PREX1: variants seen among roughly 807,000 people sequenced by gnomAD.
PREX1 encodes the protein phosphatidylinositol-3,4,5-trisphosphate dependent Rac exchange factor 1, also known as phosphatidylinositol 3,4,5-trisphosphate-dependent Rac exchanger 1 protein.
In PREX1, 41 loss-of-function variants were observed where a neutral mutation model predicts 198.3. The ratio of observed to expected loss-of-function variants is 0.21; its 90% CI spans 0.16 to 0.27. PREX1 has a LOEUF of 0.27. PREX1 is among the 10% of genes least tolerant of loss of function. The pLI, the probability that PREX1 is intolerant of heterozygous loss-of-function variation, is 1.00. For missense variants in PREX1, 1,620 were observed against 2,200.7 expected (o/e 0.74, Z 5.28); for synonymous variants, 843 against 887.2 (o/e 0.95, Z 0.89).
intron 5 of PREX1, among the ~76,000 whole-genome samples, chr20:48,720,236 C>T (rs527840084): frequency 9.9e-4 from 151 of 152,180 alleles, no homozygotes; most frequent in Admixed American, 1.6e-3. Flanking sequence ...GACTCCTGGT[C>T]CTTACTGATC....
At chr20:48,866,686 GA>G in the PREX1 span, among the ~76,000 whole-genome samples, 1 of 152,142 alleles carries the variant, frequency 6.6e-6, no homozygotes, top group South Asian at 2.1e-4. Context: ...TAGCACTTTG[GA>G]AGGCAGAGGT....
chr20:48,805,601 C>T (rs185811959), intron 1 of PREX1, among the ~76,000 whole-genome samples: 24 of 152,354 alleles, frequency 1.6e-4, no homozygotes, highest in Admixed American at 9.8e-4. Context: ...CAGCACCACA[C>T]ACAGGGCTGG....
the PREX1 span, among the ~76,000 whole-genome samples, chr20:48,857,559 G>A: frequency 6.6e-6 from 1 of 151,312 alleles, no homozygotes; most frequent in Non-Finnish European, 1.5e-5. Context: ...CTTGAGCTCA[G>A]GAGTTTGAGA....
chr20:48,651,188 G>A (rs974965442), intron 22 of PREX1, 133 bp from the exon 23 acceptor site: 79 of 1,296,416 alleles, frequency 6.1e-5, no homozygotes, highest in Admixed American at 2.2e-4. Flanking sequence ...CATATTGCAC[G>A]GGAGTAAACT....
At chr20:48,835,628 G>A in the PREX1 span, among the ~76,000 whole-genome samples, 1 of 152,208 alleles carries the variant, frequency 6.6e-6, no homozygotes, top group South Asian at 2.1e-4. Flanking sequence ...GGAGGTAGGA[G>A]TGTGTCCACT....
chr20:48,838,153 G>T, the PREX1 span, among the ~76,000 whole-genome samples: 1 of 152,322 alleles, frequency 6.6e-6, no homozygotes, highest in East Asian at 1.9e-4. Flanking sequence ...CTGGGATTCA[G>T]ATGAGCCGCA....
chr20:48,878,863 G>C, the PREX1 span, among the ~76,000 whole-genome samples: 1 of 152,188 alleles, frequency 6.6e-6, no homozygotes, highest in African/African-American at 2.4e-5. Context: ...CCTTTATTGG[G>C]ATGATTAGAA....
chr20:48,631,657 C>T (rs1316743260), intron 35 of PREX1, among the ~76,000 whole-genome samples: 3 of 152,160 alleles, frequency 2.0e-5, no homozygotes, highest in African/African-American at 7.2e-5. Flanking sequence ...ATGATGAAGC[C>T]CAGACCCGTA....
At chr20:48,696,606 C>T (rs1232403201) in intron 7 of PREX1, among the ~76,000 whole-genome samples, 3 of 142,812 alleles carry the variant, frequency 2.1e-5, no homozygotes, top group East Asian at 2.0e-4. Context: ...TACACACACA[C>T]ACATACATAC....
chr20:48,655,393 G>T lies in PREX1; in HGVS notation c.2124-18C>A. 2.7e-6 allele frequency: 4 copies of T among 1,500,850 alleles called. No individual in the cohort carries two copies. The highest frequency in any genetic ancestry group is 3.6e-6 in the Non-Finnish European group (4 of 1,110,652). The allele number at this position is 1,500,850 out of a possible 1,614,324, so 93.0% of individuals were successfully genotyped here. ...TGATGATCCTGCACCAGGTAGAAGA[G>T]GCAGGGAAAAAGGCCATGAGGAAAA... On this transcript the variant is annotated intron_variant, in intron 18 of 39. Coordinates refer to ENST00000371941, the MANE Select transcript of PREX1 (RefSeq NM_020820.4).
intron 1 of PREX1, among the ~76,000 whole-genome samples, chr20:48,771,281 C>T (rs1022874602): frequency 6.6e-6 from 1 of 150,706 alleles, no homozygotes; most frequent in Non-Finnish European, 1.5e-5. Flanking sequence ...CGATTTTGAG[C>T]GCTCACAGTG....
intron 1 of PREX1, among the ~76,000 whole-genome samples, chr20:48,826,370 TC>T (rs2090508853): frequency 6.6e-6 from 1 of 152,104 alleles, no homozygotes; most frequent in African/African-American, 2.4e-5. Flanking sequence ...TTTTCTCACT[TC>T]CTAGGAGAGT....
intron 24 of PREX1, among the ~76,000 whole-genome samples, chr20:48,649,784 C>T (rs2089478565): frequency 6.6e-6 from 1 of 152,198 alleles, no homozygotes; most frequent in African/African-American, 2.4e-5. Context: ...TTCCTGCCTG[C>T]AATGCAGACA....
intron 1 of PREX1, among the ~76,000 whole-genome samples, chr20:48,795,402 T>G (rs1215640894): frequency 1.3e-5 from 2 of 151,866 alleles, no homozygotes; most frequent in African/African-American, 2.4e-5. Flanking sequence ...ATGAGGGCAA[T>G]TTTGCTTGCC....
intron 1 of PREX1, among the ~76,000 whole-genome samples, chr20:48,768,774 C>CA (rs376176861): frequency 0.04 from 5,296 of 133,428 alleles, 151 homozygotes; most frequent in African/African-American, 0.091. Context: ...GACTCTGCCT[C>CA]AAAAAAAAAA....
At chr20:48,863,644 G>C in the PREX1 span, among the ~76,000 whole-genome samples, 1 of 144,110 alleles carries the variant, frequency 6.9e-6, no homozygotes, top group East Asian at 2.0e-4. Context: ...CTGGGATGCA[G>C]TGGCATGATC....
the PREX1 span, among the ~76,000 whole-genome samples, chr20:48,888,005 C>T: frequency 0.014 from 2,098 of 152,154 alleles, 44 homozygotes; most frequent in African/African-American, 0.048. Context: ...GTATTTTGGG[C>T]CAAGCACTGT....
intron 30 of PREX1, among the ~76,000 whole-genome samples, chr20:48,638,110 C>T (rs1183546576): frequency 2.0e-5 from 3 of 152,182 alleles, no homozygotes; most frequent in Non-Finnish European, 4.4e-5. Context: ...TACACACACA[C>T]ACTCACACAT....
Position 48,670,233 on chromosome 20 carries a change from C to T in PREX1, c.1666-3878G>A, listed in dbSNP as rs1235138560. Among the ~76,000 whole-genome samples, 5 of 152,146 alleles carry T rather than the reference C, an allele frequency of 3.3e-5. No individual in the cohort carries two copies. In the East Asian group the frequency reaches 7.7e-4, roughly 23 times the overall value. ...AAGTTTCCTGTTCCCATTTCTCCTG[C>T]GTCTCTTCTCCCAGTAGTACCTCAA... On this transcript the variant is annotated intron_variant, in intron 14 of 39. Transcript: ENST00000371941.
Sources: gnomAD v4.1 joint callset for allele counts (sites outside exome capture counted in the v4.1 genomes callset) on GRCh38, gnomAD v4.1.1 for gene constraint, MANE v1.5 for transcripts, NCBI Gene and HGNC (gene_info 2026-07-23, HGNC 2026-07-21) for gene names.